Variants in CFAP54 observed in about 807,000 individuals in gnomAD.
CFAP54 encodes the protein cilia- and flagella-associated protein 54.
Under a neutral mutation model 370.4 loss-of-function variants are expected in CFAP54, and 290 were observed. The ratio of observed to expected loss-of-function variants is 0.78; its 90% CI spans 0.71 to 0.86. The LOEUF is 0.86. CFAP54 is among the 40% of genes least tolerant of loss of function. The pLI is 0.00. For missense variants in CFAP54, 3,399 were observed against 3,528.7 expected (o/e 0.96, Z 0.93); for synonymous variants, 1,206 against 1,236.5 (o/e 0.98, Z 0.52).
At chr12:96,855,063 T>C (rs534642203) in intron 66 of CFAP54, among the ~76,000 whole-genome samples, 1 of 152,250 alleles carries the variant, frequency 6.6e-6, no homozygotes, top group South Asian at 2.1e-4. Context: ...CTTCTTCACA[T>C]GGGGGCAGCA....
At chr12:96,533,654 C>T in intron 9 of CFAP54, 138 bp from the exon 10 acceptor site, 1 of 677,604 alleles carries the variant, frequency 1.5e-6, no homozygotes, top group Non-Finnish European at 2.3e-6. Context: ...ACTAAGATTT[C>T]TTGTTTCCCC....
At chr12:96,570,858 A>G (rs945681109) in intron 19 of CFAP54, among the ~76,000 whole-genome samples, 1 of 152,122 alleles carries the variant, frequency 6.6e-6, no homozygotes, top group Non-Finnish European at 1.5e-5. Context: ...GGTGCTTTAT[A>G]TGTATTTTCC....
At chr12:96,636,299 CTCTT>C (rs906941127) in intron 32 of CFAP54, among the ~76,000 whole-genome samples, 4 of 152,104 alleles carry the variant, frequency 2.6e-5, no homozygotes, top group Non-Finnish European at 4.4e-5. Context: ...ATTACTATGT[CTCTT>C]TGAGTCTGTA....
chr12:96,792,574 T>C (rs1180434432), intron 63 of CFAP54, 75 bp downstream of exon 63: 12 of 1,134,240 alleles, frequency 1.1e-5, no homozygotes, highest in East Asian at 2.6e-5. Flanking sequence ...ACTTGGAGAG[T>C]AGAGGACATT....
Position 96,649,945 on chromosome 12 carries a change from C to G in CFAP54, c.4745C>G (p.Ser1582Cys). 6.2e-7 allele frequency: 1 copy of G among 1,611,450 alleles called. No individual in the cohort carries two copies. Among genetic ancestry groups the G allele is most frequent in the Non-Finnish European group, 8.5e-7 (1 of 1,178,388 alleles). ...INSIMSDENM[S>C]KTQTVYDSDS... ...TCCATAATGAGTGATGAAAATATGT[C>G]CAAGACACAAACAGTTTATGACTCA... Residue 1582 changes from serine to cysteine, a missense_variant, in exon 35 of 68, where the codon TCC (serine) becomes TGC (cysteine). By Grantham distance (112) the Ser-to-Cys change is moderately radical. This residue lies in a region of CFAP54 where 2,796 missense variants were observed against 2,869.7 expected (regional missense o/e 0.97). Coordinates refer to ENST00000524981, the MANE Select transcript of CFAP54 (RefSeq NM_001306084.2).
chr12:96,680,321 A>C lies in CFAP54; in HGVS notation c.5716+569A>C, dbSNP rs139408604. 5.5e-3 allele frequency among the ~76,000 whole-genome samples: 842 copies of C among 152,278 alleles called. 12 individuals are homozygous for C. The highest frequency in any genetic ancestry group is 0.019 in the African/African-American group (801 of 41,550). On this transcript the variant is annotated intron_variant, in intron 40 of 67. Transcript: ENST00000524981. ...TCTATCTGCTTGTGAATTCAAGCAA[A>C]GCTGGGCTTTGAGTGATTAAATGGT... is the stretch of plus-strand genomic sequence containing the variant.
intron 14 of CFAP54, among the ~76,000 whole-genome samples, chr12:96,544,067 CCTAAAT>C (rs1000019277): frequency 2.6e-5 from 4 of 152,128 alleles, no homozygotes; most frequent in African/African-American, 9.7e-5. Context: ...GGGCACCCAT[CCTAAAT>C]CCATGTTTTG....
intron 25 of CFAP54, among the ~76,000 whole-genome samples, chr12:96,596,215 C>G (rs533666058): frequency 1.3e-4 from 20 of 152,146 alleles, no homozygotes; most frequent in African/African-American, 4.8e-4. Flanking sequence ...GCAAAGATAC[C>G]ACATTGGGAA....
rs138235713 is a variant in CFAP54, at chr12:96,551,059, A to G, written c.2154+3081A>G. Among the ~76,000 whole-genome samples, 294 of 152,248 alleles carry G rather than the reference A, an allele frequency of 1.9e-3. 1 individual carries two copies. Among genetic ancestry groups the G allele is most frequent in the Middle Eastern group, 3.4e-3 (1 of 294 alleles). ...CAAGGTGGGTGGATCGCTTGAGCCC[A>G]GAAGATTGAGACCAGCCTGGGCAAT... On this transcript the variant is annotated intron_variant, in intron 15 of 67. Coordinates refer to ENST00000524981, the MANE Select transcript of CFAP54 (RefSeq NM_001306084.2).
chr12:96,778,519 G>T lies in CFAP54; in HGVS notation c.8282-6198G>T, dbSNP rs375941219. ...GAAGTATGCTTTGCAATTTCTTCCT[G>T]AGATTTACATCTTAGTAGCATCACC... is the stretch of plus-strand genomic sequence containing the variant. On this transcript the variant is annotated intron_variant, in intron 60 of 67. Coordinates refer to ENST00000524981, the MANE Select transcript of CFAP54 (RefSeq NM_001306084.2). 7.2e-5 allele frequency among the ~76,000 whole-genome samples: 11 copies of T among 152,256 alleles called. No homozygotes were observed. The East Asian group carries it at 1.2e-3, about 16-fold the overall frequency.
intron 63 of CFAP54, among the ~76,000 whole-genome samples, chr12:96,803,782 A>G (rs1375147180): frequency 6.6e-6 from 1 of 152,200 alleles, no homozygotes; most frequent in Non-Finnish European, 1.5e-5. Context: ...GGAACAAGTA[A>G]CTGCTACATC....
Position 96,581,052 on chromosome 12 carries a change from A to G in CFAP54, c.3022A>G (p.Ile1008Val). The G allele has an allele frequency of 6.5e-7, 1 of 1,529,394 alleles. No individual in the cohort carries two copies. The highest frequency in any genetic ancestry group is 8.7e-7 in the Non-Finnish European group (1 of 1,143,274). 94.7% of individuals were successfully genotyped at this position (1,529,394 alleles called of 1,614,324 possible). Reference sequence around the variant, plus strand: ...TGCTATTGGGGAGACAACTAAACCAATTCTGGTTTATCCCCCTCTTTCTAC... The same window carrying G: ...TGCTATTGGGGAGACAACTAAACCAGTTCTGGTTTATCCCCCTCTTTCTAC... ...GGAIGETTKP[I>V]LVYPPLSTIT... is the part of the protein sequence containing the mutation. The change falls in exon 22 of 68, where the codon ATT becomes GTT. Residue 1008 changes from isoleucine (I) to valine (V), a missense_variant. Physicochemically the swap from Ile to Val is conservative, Grantham distance 29. Coordinates refer to ENST00000524981, the MANE Select transcript of CFAP54 (RefSeq NM_001306084.2).
At chr12:96,835,399 C>T (rs948018037) in intron 66 of CFAP54, among the ~76,000 whole-genome samples, 3 of 152,190 alleles carry the variant, frequency 2.0e-5, no homozygotes, top group African/African-American at 4.8e-5. Context: ...AGGGTGGGCC[C>T]GGAAAAGGCA....
chr12:96,625,578 T>G, intron 28 of CFAP54, 140 bp from the exon 29 acceptor site: 1 of 503,118 alleles, frequency 2.0e-6, no homozygotes, highest in Admixed American at 3.8e-5. Context: ...TAATTGCTAT[T>G]TTAAGGCACA....
chr12:96,765,500 G>T (rs182787797), intron 60 of CFAP54, among the ~76,000 whole-genome samples: 1 of 152,128 alleles, frequency 6.6e-6, no homozygotes, highest in Non-Finnish European at 1.5e-5. Flanking sequence ...ATATCAAATG[G>T]GACCTTTTGG....
intron 61 of CFAP54, among the ~76,000 whole-genome samples, chr12:96,785,874 C>T (rs576926895): frequency 6.6e-6 from 1 of 152,312 alleles, no homozygotes; most frequent in East Asian, 1.9e-4. Context: ...GATAAACATA[C>T]CAGCTTCTCA....
intron 48 of CFAP54, among the ~76,000 whole-genome samples, chr12:96,716,648 A>G (rs1957682973): frequency 6.6e-6 from 1 of 152,156 alleles, no homozygotes; most frequent in Non-Finnish European, 1.5e-5. Flanking sequence ...TGTTTTGCAG[A>G]GCCACTCAGG....
chr12:96,651,693 C>A lies in CFAP54; in HGVS notation c.4978C>A (p.Leu1660Ile). Residue 1660 changes from leucine (L) to isoleucine (I), a missense_variant, in exon 36 of 68, where the codon CTT becomes ATT. Physicochemically the swap from Leu to Ile is conservative, Grantham distance 5. Transcript: ENST00000524981. ...AATACTTCTTAAACAGGCAGTGGAT[C>A]TTGATAAAACATTTCCTATTAGCCA... ...LQILLKQAVD[L>I]DKTFPISQDG... is the part of the protein sequence containing the mutation. 6.2e-7 allele frequency: 1 copy of A among 1,613,906 alleles called. No homozygotes were observed. Among genetic ancestry groups the A allele is most frequent in the Non-Finnish European group, 8.5e-7 (1 of 1,179,790 alleles).
At chr12:96,666,705 G>A (rs1259305372) in intron 39 of CFAP54, among the ~76,000 whole-genome samples, 1 of 152,164 alleles carries the variant, frequency 6.6e-6, no homozygotes, top group East Asian at 1.9e-4. Flanking sequence ...TGGGGATTAT[G>A]GAAGCTACAA....
Sources: gnomAD v4.1 joint callset for allele counts (sites outside exome capture counted in the v4.1 genomes callset) on GRCh38, gnomAD v4.1.1 for gene constraint, gnomAD v4.1.1 regional missense constraint, MANE v1.5 for transcripts, NCBI Gene and HGNC (gene_info 2026-07-23, HGNC 2026-07-21) for gene names.